Variants in CSRNP3 observed in about 807,000 individuals in gnomAD.
CSRNP3 encodes cysteine and serine rich nuclear protein 3, also known as cysteine/serine-rich nuclear protein 3.
CSRNP3 carries 12 observed loss-of-function variants against 48.0 expected under a neutral mutation model. The observed-to-expected ratio is 0.25, with a 90% CI of 0.16 to 0.41. The LOEUF (loss-of-function observed/expected upper bound fraction) is 0.41, where lower values mean the gene tolerates loss of function less well. Ranked by LOEUF, CSRNP3 falls within the 10% of genes least tolerant of loss-of-function variation. The pLI is 1.00. For synonymous variants in CSRNP3, 263 were observed against 269.7 expected, an observed-to-expected ratio of 0.98 and a Z score of 0.24; for missense variants, 580 against 724.4, an observed-to-expected ratio of 0.80 and a Z score of 2.29.
intron 3 of CSRNP3, among the ~76,000 whole-genome samples, chr2:165,574,881 T>A (rs1282702813): frequency 2.6e-5 from 4 of 152,184 alleles, no homozygotes; most frequent in Non-Finnish European, 5.9e-5. Context: ...TAAGGACAAT[T>A]TTAATAAGTA....
chr2:165,567,833 A>G (rs891906974), intron 3 of CSRNP3, among the ~76,000 whole-genome samples: 1 of 152,064 alleles, frequency 6.6e-6, no homozygotes, highest in Non-Finnish European at 1.5e-5. Context: ...CTGTTGTTTT[A>G]CAGTTACTCT....
intron 4 of CSRNP3, among the ~76,000 whole-genome samples, chr2:165,647,379 A>T (rs1686831040): frequency 6.6e-6 from 1 of 151,994 alleles, no homozygotes; most frequent in Non-Finnish European, 1.5e-5. Context: ...TGCTTACAAT[A>T]AAAAAAACCA....
At chr2:165,624,032 C>A (rs1300692547) in intron 4 of CSRNP3, among the ~76,000 whole-genome samples, 1 of 152,180 alleles carries the variant, frequency 6.6e-6, no homozygotes, top group African/African-American at 2.4e-5. Flanking sequence ...CTCCTACAAC[C>A]AACAACAAAA....
chr2:165,516,780 C>T (rs1051151561), intron 2 of CSRNP3, among the ~76,000 whole-genome samples: 1 of 151,960 alleles, frequency 6.6e-6, no homozygotes, highest in Non-Finnish European at 1.5e-5. Context: ...CACAGTTAAT[C>T]CAGTTTATTC....
chr2:165,616,173 G>C (rs775937380), intron 4 of CSRNP3, among the ~76,000 whole-genome samples: 17 of 151,996 alleles, frequency 1.1e-4, no homozygotes, highest in Non-Finnish European at 1.6e-4. Context: ...TTACATTTAA[G>C]GTTCTTATTT....
At chr2:165,595,399 T>C (rs1685793526) in intron 4 of CSRNP3, among the ~76,000 whole-genome samples, 186 bp downstream of exon 4, 1 of 152,210 alleles carries the variant, frequency 6.6e-6, no homozygotes, top group Non-Finnish European at 1.5e-5. Flanking sequence ...AGAATACTTT[T>C]TTGCAGTGGA....
intron 3 of CSRNP3, among the ~76,000 whole-genome samples, chr2:165,531,829 A>G (rs1181561155): frequency 6.6e-6 from 1 of 152,184 alleles, no homozygotes; most frequent in South Asian, 2.1e-4. Flanking sequence ...AATAAAGAAG[A>G]AAAGAGAGAA....
intron 3 of CSRNP3, among the ~76,000 whole-genome samples, chr2:165,575,797 T>C (rs887806551): frequency 6.6e-6 from 1 of 152,000 alleles, no homozygotes; most frequent in African/African-American, 2.4e-5. Context: ...TCTCACCCTT[T>C]ATCACTCTAT....
chr2:165,557,176 A>T (rs1363039818), intron 3 of CSRNP3, among the ~76,000 whole-genome samples: 1 of 152,172 alleles, frequency 6.6e-6, no homozygotes, highest in African/African-American at 2.4e-5. Flanking sequence ...AGAAAAGAAC[A>T]CTTCATGACA....
chr2:165,520,824 T>TAC (rs1684649774), intron 3 of CSRNP3, among the ~76,000 whole-genome samples: 2 of 100,934 alleles, frequency 2.0e-5, no homozygotes, highest in Admixed American at 2.3e-4. Context: ...TATATATATA[T>TAC]ATACATATTT....
At chr2:165,648,734 A>C (rs557815270) in intron 4 of CSRNP3, among the ~76,000 whole-genome samples, 1 of 152,306 alleles carries the variant, frequency 6.6e-6, no homozygotes, top group South Asian at 2.1e-4. Flanking sequence ...AACAATTGCT[A>C]GTTTTGCAAA....
At chr2:165,661,881 G>C (rs897077977) in intron 5 of CSRNP3, among the ~76,000 whole-genome samples, 1 of 152,092 alleles carries the variant, frequency 6.6e-6, no homozygotes, top group South Asian at 2.1e-4. Context: ...GAAACTCACC[G>C]AACTCAGAGC....
chr2:165,526,547 A>C (rs757279618), intron 3 of CSRNP3, among the ~76,000 whole-genome samples: 8 of 152,236 alleles, frequency 5.3e-5, no homozygotes, highest in South Asian at 2.1e-4. Context: ...CATTTGCTCT[A>C]TAATGGTCAT....
At chr2:165,629,935 T>A (rs1352517260) in intron 4 of CSRNP3, among the ~76,000 whole-genome samples, 2 of 152,186 alleles carry the variant, frequency 1.3e-5, no homozygotes, top group Non-Finnish European at 2.9e-5. Context: ...TTCTCTCAGG[T>A]CTAGAGGACC....
At chr2:165,646,912 T>A (rs1197731446) in intron 4 of CSRNP3, among the ~76,000 whole-genome samples, 1 of 152,208 alleles carries the variant, frequency 6.6e-6, no homozygotes. Context: ...TATAGGTTTA[T>A]ATATTTTGGA....
At chr2:165,550,557 G>A (rs555051057) in intron 3 of CSRNP3, among the ~76,000 whole-genome samples, 4 of 152,200 alleles carry the variant, frequency 2.6e-5, no homozygotes, top group African/African-American at 4.8e-5. Flanking sequence ...ATATGCTTAC[G>A]TTGTTCCTGT....
chr2:165,483,213 A>T (rs1684071339), intron 1 of CSRNP3, among the ~76,000 whole-genome samples: 1 of 152,136 alleles, frequency 6.6e-6, no homozygotes, highest in African/African-American at 2.4e-5. Context: ...AGTAGTCTGC[A>T]AAACTTGCCT....
At chr2:165,598,508 A>G (rs1229196867) in intron 4 of CSRNP3, among the ~76,000 whole-genome samples, 1 of 152,228 alleles carries the variant, frequency 6.6e-6, no homozygotes. Flanking sequence ...GCTAAAAATT[A>G]TAACTGTAGT....
At chr2:165,470,224 G>A (rs1053257370) in intron 1 of CSRNP3, among the ~76,000 whole-genome samples, 2 of 152,060 alleles carry the variant, frequency 1.3e-5, no homozygotes, top group African/African-American at 4.8e-5. Context: ...TATTTTTGCA[G>A]GTTGTAGACT....
Sources: allele counts gnomAD v4.1 joint callset (sites outside exome capture counted in the v4.1 genomes callset), GRCh38; gene constraint gnomAD v4.1.1; transcripts MANE v1.5; gene names NCBI Gene and HGNC (gene_info 2026-07-23, HGNC 2026-07-21).